AGAP1: variants seen among roughly 807,000 people sequenced by gnomAD.
The protein encoded by AGAP1 is arf-GAP with GTPase, ANK repeat and PH domain-containing protein 1.
In AGAP1, 29 loss-of-function variants were observed where a neutral mutation model predicts 105.3. That is an observed-to-expected ratio of 0.28 (90% confidence interval 0.21 to 0.38). The LOEUF (loss-of-function observed/expected upper bound fraction) is 0.38, where lower values mean the gene tolerates loss of function less well. Ranked by LOEUF, AGAP1 falls within the 10% of genes least tolerant of loss-of-function variation. The pLI is 1.00. For synonymous variants in AGAP1, 509 were observed against 485.9 expected (o/e 1.05, Z -0.63); for missense variants, 998 against 1,165.1 (o/e 0.86, Z 2.09).
chr2:235,969,939 C>T (rs1371560284), intron 13 of AGAP1, among the ~76,000 whole-genome samples: 2 of 152,122 alleles, frequency 1.3e-5, no homozygotes, highest in Non-Finnish European at 1.5e-5. Flanking sequence ...CGGTGGCTCA[C>T]GCCTGTAATC....
In AGAP1 at chr2:235,709,223, C is replaced by G. The variant is rs760893339; in HGVS notation, c.208C>G (p.Pro70Ala). Residue 70 changes from proline (P) to alanine (A), a missense_variant, in exon 2 of 18, where the codon CCG becomes GCG. Physicochemically the swap from Pro to Ala is conservative, Grantham distance 27. Coordinates refer to ENST00000304032, the MANE Select transcript of AGAP1 (RefSeq NM_001037131.3). ...SQEWTLSRSV[P>A]ELKVGIVGNL... ...GGAATGGACGCTGAGTCGATCTGTC[C>G]CGGAGCTCAAAGTGGTGAGTGGTTC... The G allele has an allele frequency of 6.2e-7, 1 of 1,614,054 alleles. No homozygotes were observed. Among genetic ancestry groups the G allele is most frequent in the Non-Finnish European group, 8.5e-7 (1 of 1,180,014 alleles).
At chr2:235,876,383 A>G (rs181222002) in intron 9 of AGAP1, among the ~76,000 whole-genome samples, 5 of 152,334 alleles carry the variant, frequency 3.3e-5, no homozygotes, top group African/African-American at 9.6e-5. Context: ...TGTGTTGGCC[A>G]AGCAGATTAT....
chr2:236,022,017 C>T (rs2056899748), intron 13 of AGAP1, among the ~76,000 whole-genome samples: 1 of 144,124 alleles, frequency 6.9e-6, no homozygotes, highest in African/African-American at 2.7e-5. Flanking sequence ...CGAGATGAAG[C>T]CACTGCACTC....
At chr2:235,920,920 C>T (rs571035446) in intron 11 of AGAP1, among the ~76,000 whole-genome samples, 3 of 152,292 alleles carry the variant, frequency 2.0e-5, no homozygotes, top group African/African-American at 7.2e-5. Flanking sequence ...CCACATGGGG[C>T]ATACTGTTAT....
In AGAP1 at chr2:235,992,095, G is replaced by T. The variant is rs1354868833; in HGVS notation, c.1645+23472G>T. Among the ~76,000 whole-genome samples, 1 of 152,250 alleles carries T rather than the reference G, an allele frequency of 6.6e-6. No individual in the cohort carries two copies. Among genetic ancestry groups the T allele is most frequent in the Non-Finnish European group, 1.5e-5 (1 of 68,052 alleles). ...GTAGCCGTGTGTGGAGAAGGGTTGT[G>T]ATGGTGGCCATCACGAGACCCAGAT... On this transcript the variant is annotated intron_variant, in intron 13 of 17. Coordinates refer to ENST00000304032, the MANE Select transcript of AGAP1 (RefSeq NM_001037131.3). The surrounding 1 kb of genome is among the most constrained non-coding windows in gnomAD (Gnocchi z 4.8).
chr2:236,103,517 T>TTTTC (rs1459715369), intron 16 of AGAP1, among the ~76,000 whole-genome samples: 1 of 151,788 alleles, frequency 6.6e-6, no homozygotes, highest in African/African-American at 2.4e-5. Flanking sequence ...TTTTCTTTTC[T>TTTTC]TTTTTTTCTT....
chr2:236,024,605 C>T (rs930561187), intron 13 of AGAP1, among the ~76,000 whole-genome samples: 1 of 151,954 alleles, frequency 6.6e-6, no homozygotes, highest in Admixed American at 6.6e-5. Flanking sequence ...GCTAGAATTC[C>T]GCAAAAAAAT....
chr2:235,563,553 C>T (rs1281958621), intron 1 of AGAP1, among the ~76,000 whole-genome samples: 2 of 133,474 alleles, frequency 1.5e-5, no homozygotes, highest in African/African-American at 2.9e-5. Flanking sequence ...AGGAAGTTGT[C>T]GTTTTATAAC....
chr2:235,733,053 G>T lies in AGAP1; in HGVS notation c.311-7910G>T, dbSNP rs540165906. Among the ~76,000 whole-genome samples, 59 of 152,318 alleles carry T rather than the reference G, an allele frequency of 3.9e-4. No individual in the cohort carries two copies. The highest frequency in any genetic ancestry group is 6.8e-3 in the Middle Eastern group (2 of 294). On this transcript the variant is annotated intron_variant, in intron 3 of 17. Coordinates refer to ENST00000304032, the MANE Select transcript of AGAP1 (RefSeq NM_001037131.3). This position sits in a 1 kb window ranked among gnomAD's most constrained non-coding sequence, Gnocchi z 5.0. ...GTCTAGTTGGAGGGAGCTGCCTCCC[G>T]TTGAAAGAGTCTGCCCTTCTTTAGG... is the stretch of plus-strand genomic sequence containing the variant.
At chr2:235,785,712 A>G (rs988104913) in intron 6 of AGAP1, among the ~76,000 whole-genome samples, 5 of 152,112 alleles carry the variant, frequency 3.3e-5, no homozygotes, top group Non-Finnish European at 5.9e-5. Context: ...CTGGCACGCT[A>G]TCATGTTGTT....
At chr2:235,605,403 C>T (rs1166676822) in intron 1 of AGAP1, among the ~76,000 whole-genome samples, 1 of 152,214 alleles carries the variant, frequency 6.6e-6, no homozygotes, top group Non-Finnish European at 1.5e-5. Flanking sequence ...AGCAGAATTT[C>T]GCCACATGCG....
intron 10 of AGAP1, among the ~76,000 whole-genome samples, chr2:235,884,469 T>TTC (rs57639994): frequency 8.6e-5 from 13 of 150,304 alleles, no homozygotes; most frequent in African/African-American, 2.7e-4. Context: ...TTTTTTTTTT[T>TTC]GAGAGGAGTC....
In AGAP1 at chr2:236,124,193, GCA is replaced by G; in HGVS notation, c.*72_*73del. The G allele has an allele frequency of 6.5e-6, 10 of 1,531,944 alleles. No individual in the cohort carries two copies. Among genetic ancestry groups the G allele is most frequent in the Non-Finnish European group, 8.0e-6 (9 of 1,124,992 alleles). 94.9% of individuals were successfully genotyped at this position (1,531,944 alleles called of 1,614,324 possible). Reference sequence around the variant, plus strand: ...CTCGCCGCATTCTCGCTCAGAAGTCGCAGCACGTGAGTCCCGTCGCATCCCCT... The same window carrying G: ...CTCGCCGCATTCTCGCTCAGAAGTCGGCACGTGAGTCCCGTCGCATCCCCT... On this transcript the variant is annotated 3_prime_UTR_variant, in exon 18 of 18. Transcript: ENST00000304032. The surrounding 1 kb of genome is among the most constrained non-coding windows in gnomAD (Gnocchi z 5.1).
At chr2:235,686,614 G>GATATAGATATATATATATATAT (rs1445572996) in intron 1 of AGAP1, among the ~76,000 whole-genome samples, 10 of 37,928 alleles carry the variant, frequency 2.6e-4, no homozygotes, top group Non-Finnish European at 4.0e-4. Flanking sequence ...TATACGTGGA[G>GATATAGATATATATATATATAT]ATATAGATAT....
In AGAP1 at chr2:235,551,834, A is replaced by G. The variant is rs1022338441; in HGVS notation, c.163+56985A>G. 6.6e-6 allele frequency among the ~76,000 whole-genome samples: 1 copy of G among 152,186 alleles called. No individual in the cohort carries two copies. Among genetic ancestry groups the G allele is most frequent in the African/African-American group, 2.4e-5 (1 of 41,446 alleles). On this transcript the variant is annotated intron_variant, in intron 1 of 17. Transcript: ENST00000304032. This position sits in a 1 kb window ranked among gnomAD's most constrained non-coding sequence, Gnocchi z 4.8. ...GTAGAAAGAGGGTCCTCTGGAGAAC[A>G]CAAACTGAGCGTTGCTGGGCCTCAG...
At position 235,552,737 on chromosome 2, in the gene AGAP1, G is replaced by A. The variant is rs953176597; in HGVS notation, c.163+57888G>A. ...CCAGGAGAGTTCAGAGAGGTGAAGAGTGAGGAGAGAGCAGTGGCCAAAGTG... is the reference window on the plus strand; with the variant it reads ...CCAGGAGAGTTCAGAGAGGTGAAGAATGAGGAGAGAGCAGTGGCCAAAGTG... On this transcript the variant is annotated intron_variant, in intron 1 of 17. Transcript: ENST00000304032. The surrounding 1 kb of genome is among the most constrained non-coding windows in gnomAD (Gnocchi z 5.9). Among the ~76,000 whole-genome samples the A allele has an allele frequency of 1.3e-5, 2 of 152,206 alleles. No homozygotes were observed. Among genetic ancestry groups the A allele is most frequent in the African/African-American group, 4.8e-5 (2 of 41,456 alleles).
chr2:235,709,180 T>C lies in AGAP1; in HGVS notation c.165T>C (p.Asp55=), dbSNP rs755003432. ...QIREHVIAIE[D]AFVNSQEWTL... ...ACTTTGTGTCCTCCTCTTTTTCAGA[T>C]GCCTTCGTGAACAGCCAGGAATGGA... The change falls in exon 2 of 18, where the codon GAT becomes GAC. Residue 55 remains aspartate, a splice_region_variant and synonymous_variant. Transcript: ENST00000304032. 15 of 1,613,994 alleles carry C rather than the reference T, an allele frequency of 9.3e-6. No individual in the cohort carries two copies. The highest frequency in any genetic ancestry group is 6.7e-5 in the Admixed American group (4 of 59,998).
At chr2:235,776,435 C>T (rs1331932380) in intron 6 of AGAP1, among the ~76,000 whole-genome samples, 1 of 152,204 alleles carries the variant, frequency 6.6e-6, no homozygotes, top group Non-Finnish European at 1.5e-5. Flanking sequence ...CTGCTCTTGC[C>T]TGTGACAGAG....
rs1236032376 is a variant in AGAP1, at chr2:235,971,189, A to G, written c.1645+2566A>G. On this transcript the variant is annotated intron_variant, in intron 13 of 17. Transcript: ENST00000304032. This position sits in a 1 kb window ranked among gnomAD's most constrained non-coding sequence, Gnocchi z 4.8. ...TAAGTTATTTATAAAAAGAAAATGT[A>G]TCATTTTTCCCTAGGAAAAGTTACT... Among the ~76,000 whole-genome samples, 1 of 152,226 alleles carries G rather than the reference A, an allele frequency of 6.6e-6. No homozygotes were observed. Among genetic ancestry groups the G allele is most frequent in the Non-Finnish European group, 1.5e-5 (1 of 68,030 alleles).
Sources: gnomAD v4.1 joint callset for allele counts (sites outside exome capture counted in the v4.1 genomes callset) on GRCh38, gnomAD v4.1.1 for gene constraint, Gnocchi (gnomAD v3.1) non-coding constraint, MANE v1.5 for transcripts, NCBI Gene and HGNC (gene_info 2026-07-23, HGNC 2026-07-21) for gene names.